The following RPS18 variants were observed in gnomAD, a reference collection of about 807,000 sequenced individuals.
RPS18 encodes ribosomal protein S18.
For synonymous variants in RPS18, 64 were observed against 70.9 expected (o/e 0.90, Z 0.49); for missense variants, 49 against 200.8 (o/e 0.24, Z 4.57).
intron 2 of RPS18, among the ~76,000 whole-genome samples, chr6:33,275,126 C>G (rs1765537004): frequency 1.3e-5 from 2 of 152,138 alleles, no homozygotes; most frequent in Non-Finnish European, 2.9e-5. Context: ...AAGCCTGTAA[C>G]TCATAAGACC....
In RPS18 at chr6:33,276,500, T is replaced by C. The variant is rs1196177534; in HGVS notation, c.*34T>C. ...GCCTTGTCTGTTAATAAATAGTTTATATACCTATGGCTTCCTGTCCTTTCT... is the reference window on the plus strand; with the variant it reads ...GCCTTGTCTGTTAATAAATAGTTTACATACCTATGGCTTCCTGTCCTTTCT... On this transcript the variant is annotated 3_prime_UTR_variant, in exon 6 of 6. Coordinates refer to ENST00000439602, the MANE Select transcript of RPS18 (RefSeq NM_022551.3). 6 of 1,488,278 alleles carry C rather than the reference T, an allele frequency of 4.0e-6. No homozygotes were observed. The highest frequency in any genetic ancestry group is 3.7e-5 in the Admixed American group (2 of 53,568). 92.2% of individuals were successfully genotyped at this position (1,488,278 alleles called of 1,614,324 possible). A position where few individuals can be genotyped will look rare whatever the true frequency, so the allele number is the denominator to read the frequency against.
chr6:33,275,610 C>T (rs765535846), intron 2 of RPS18, 187 bp from the exon 3 acceptor site: 6 of 625,606 alleles, frequency 9.6e-6, no homozygotes, highest in Non-Finnish European at 1.5e-5. Context: ...TGAGCCACTG[C>T]GACCGGCCCA....
chr6:33,276,392 C>A lies in RPS18; in HGVS notation c.385C>A (p.Leu129Ile). The change falls in exon 6 of 6, where the codon CTT becomes ATT. Residue 129 changes from leucine (L) to isoleucine (I), a missense_variant and splice_region_variant. Physicochemically the swap from Leu to Ile is conservative, Grantham distance 5. Coordinates refer to ENST00000439602, the MANE Select transcript of RPS18 (RefSeq NM_022551.3). ...TGACTCTTCTCTTTTTACCTGCAGC[C>A]TTCGTGTCCGAGGCCAGCACACCAA... ...AHRGLRHFWG[L>I]RVRGQHTKTT... The A allele has an allele frequency of 6.2e-7, 1 of 1,614,016 alleles. No homozygotes were observed. The highest frequency in any genetic ancestry group is 8.5e-7 in the Non-Finnish European group (1 of 1,179,938).
intron 1 of RPS18, chr6:33,272,421 A>G (rs1765268491): frequency 1.6e-6 from 1 of 611,182 alleles, no homozygotes; most frequent in Non-Finnish European, 2.9e-6. Context: ...CAGAGGTTGC[A>G]TTTTCCCAAG....
intron 2 of RPS18, 67 bp downstream of exon 2, chr6:33,272,793 A>G (rs1765316705): frequency 1.2e-6 from 1 of 830,082 alleles, no homozygotes; most frequent in Non-Finnish European, 2.2e-6. Context: ...ATAAGCAAAA[A>G]TGAAGCAAGG....
At chr6:33,273,308 C>T (rs1388796502) in intron 2 of RPS18, among the ~76,000 whole-genome samples, 2 of 152,126 alleles carry the variant, frequency 1.3e-5, no homozygotes. Flanking sequence ...TCAATGAATG[C>T]AAGAATATTA....
chr6:33,272,385 T>A, intron 1 of RPS18: 1 of 604,630 alleles, frequency 1.7e-6, no homozygotes, highest in Non-Finnish European at 2.9e-6. Context: ...CTTTTGGGAA[T>A]GGGCAGGAGA....
At chr6:33,275,775 C>T (rs371714585) in intron 2 of RPS18, 22 bp from the exon 3 acceptor site, 30 of 1,528,994 alleles carry the variant, frequency 2.0e-5, no homozygotes, top group Non-Finnish European at 2.5e-5. Flanking sequence ...ACACTAATTC[C>T]GAAACCCCTC....
chr6:33,274,795 C>T (rs370276431), intron 2 of RPS18, among the ~76,000 whole-genome samples: 4 of 152,276 alleles, frequency 2.6e-5, no homozygotes, highest in East Asian at 3.9e-4. Flanking sequence ...TCCGTAACGA[C>T]CTTATTTCCA....
Position 33,276,372 on chromosome 6 carries a change from CTTCTCTT to C in RPS18, c.384-16_384-10del. On this transcript the variant is annotated splice_polypyrimidine_tract_variant and intron_variant, in intron 5 of 5. Coordinates refer to ENST00000439602, the MANE Select transcript of RPS18 (RefSeq NM_022551.3). ...TTTCTGCTGTGCATGACCTGTGACT[CTTCTCTT>C]TTTACCTGCAGCCTTCGTGTCCGAG... The C allele has an allele frequency of 6.2e-7, 1 of 1,613,592 alleles. No individual in the cohort carries two copies. Among genetic ancestry groups the C allele is most frequent in the Non-Finnish European group, 8.5e-7 (1 of 1,179,528 alleles).
chr6:33,272,455 C>T (rs1765272783), intron 1 of RPS18, 173 bp from the exon 2 acceptor site: 7 of 659,478 alleles, frequency 1.1e-5, no homozygotes, highest in Non-Finnish European at 1.9e-5. Context: ...TGTGCCTACT[C>T]TGCAGGACTG....
chr6:33,276,038 A>G lies in RPS18; in HGVS notation c.263A>G (p.Lys88Arg). ...CCAGACTGGTTCTTGAACAGACAGA[A>G]GGATGTAAAGGATGGAAAATACAGC... ...KIPDWFLNRQ[K>R]DVKDGKYSQV... The change falls in exon 4 of 6, where the codon AAG becomes AGG. Residue 88 changes from lysine (K) to arginine (R), a missense_variant. Lys to Arg is a conservative substitution (Grantham distance 26). Coordinates refer to ENST00000439602, the MANE Select transcript of RPS18 (RefSeq NM_022551.3). 1.2e-6 allele frequency: 2 copies of G among 1,614,142 alleles called. No individual in the cohort carries two copies. The highest frequency in any genetic ancestry group is 1.7e-6 in the Non-Finnish European group (2 of 1,179,972).
In RPS18 at chr6:33,276,494, A is replaced by G; in HGVS notation, c.*28A>G. 1 of 1,512,064 alleles carries G rather than the reference A, an allele frequency of 6.6e-7. No homozygotes were observed. Among genetic ancestry groups the G allele is most frequent in the Non-Finnish European group, 9.1e-7 (1 of 1,095,084 alleles). 93.7% of individuals were successfully genotyped at this position (1,512,064 alleles called of 1,614,324 possible). ...CTGTAGGCCTTGTCTGTTAATAAAT[A>G]GTTTATATACCTATGGCTTCCTGTC... On this transcript the variant is annotated 3_prime_UTR_variant, in exon 6 of 6. Coordinates refer to ENST00000439602, the MANE Select transcript of RPS18 (RefSeq NM_022551.3).
intron 2 of RPS18, among the ~76,000 whole-genome samples, chr6:33,273,357 C>A (rs1040047695): frequency 6.6e-6 from 1 of 152,132 alleles, no homozygotes; most frequent in Admixed American, 6.5e-5. Context: ...CTAATGAATT[C>A]TTGGCTTTCT....
intron 2 of RPS18, among the ~76,000 whole-genome samples, chr6:33,273,649 G>A (rs907092258): frequency 2.0e-5 from 3 of 152,224 alleles, no homozygotes; most frequent in Non-Finnish European, 4.4e-5. Flanking sequence ...TGAGGCTTAA[G>A]TAGAGGTGCA....
rs756926262 is a variant in RPS18 at position 33,276,199 on chromosome 6, C to T, written c.315C>T (p.Asn105=). 3 of 1,614,128 alleles carry T rather than the reference C, an allele frequency of 1.9e-6. No homozygotes were observed. The highest frequency in any genetic ancestry group is 2.5e-6 in the Non-Finnish European group (3 of 1,180,000). Residue 105 remains asparagine, a synonymous_variant, in exon 5 of 6, where the codon AAC becomes AAT. Transcript: ENST00000439602. ...AGGTCCTAGCCAATGGTCTGGACAA[C>T]AAGCTCCGTGAAGACCTGGAGCGAC... is the stretch of plus-strand genomic sequence containing the variant. ...YSQVLANGLD[N]KLREDLERLK...
intron 2 of RPS18, among the ~76,000 whole-genome samples, chr6:33,273,547 G>A (rs943587243): frequency 1.3e-5 from 2 of 152,168 alleles, no homozygotes; most frequent in Non-Finnish European, 2.9e-5. Flanking sequence ...TGGCTCTGTT[G>A]AGGAATTTGT....
chr6:33,276,281 C>G lies in RPS18; in HGVS notation c.383+14C>G, dbSNP rs369954834. The G allele has an allele frequency of 2.2e-5, 35 of 1,610,432 alleles. No individual in the cohort carries two copies. In the African/African-American group the frequency reaches 4.2e-4, roughly 19 times the overall value. On this transcript the variant is annotated intron_variant, in intron 5 of 5. Transcript: ENST00000439602. The stretch of plus-strand genomic sequence containing the variant: ...TCACTTCTGGGGGTGAGTGGGGGGT[C>G]TCATCTCCCTGCCTACCTCGACTCA...
chr6:33,272,612 G>A lies in RPS18; in HGVS notation c.4-16G>A, dbSNP rs758743000. 1.8e-6 allele frequency: 2 copies of A among 1,103,690 alleles called. No homozygotes were observed. The highest frequency in any genetic ancestry group is 2.8e-6 in the Non-Finnish European group (2 of 713,778). 68.4% of individuals were successfully genotyped at this position (1,103,690 alleles called of 1,614,324 possible). On this transcript the variant is annotated splice_polypyrimidine_tract_variant and intron_variant, in intron 1 of 5. Transcript: ENST00000439602. ...TTTACTGTGTCTGATTTCTTCCCCC[G>A]TACTTTTTCAACTAGTCTCTAGTGA...
Sources: allele counts gnomAD v4.1 joint callset (sites outside exome capture counted in the v4.1 genomes callset), GRCh38; gene constraint gnomAD v4.1.1; transcripts MANE v1.5; gene names NCBI Gene and HGNC (gene_info 2026-07-23, HGNC 2026-07-21).